The following LMNTD1 variants were observed in gnomAD, a reference collection of about 807,000 sequenced individuals.
The protein encoded by LMNTD1 is lamin tail domain containing 1.
LMNTD1 carries 35 observed loss-of-function variants against 50.9 expected under a neutral mutation model. The observed-to-expected ratio is 0.69, with a 90% CI of 0.53 to 0.91. The LOEUF is 0.91. Ranked by LOEUF, LMNTD1 falls within the 40% of genes least tolerant of loss-of-function variation. The pLI, the probability that LMNTD1 is intolerant of heterozygous loss-of-function variation, is 0.00. For missense variants in LMNTD1, 470 were observed against 475.5 expected, an observed-to-expected ratio of 0.99 and a Z score of 0.11; for synonymous variants, 153 against 161.9, an observed-to-expected ratio of 0.94 and a Z score of 0.42.
chr12:25,641,785 A>T (rs1946963449), intron 1 of LMNTD1, among the ~76,000 whole-genome samples: 1 of 152,132 alleles, frequency 6.6e-6, no homozygotes, highest in African/African-American at 2.4e-5. Context: ...CACAATTTGG[A>T]AATTAAACAA....
chr12:25,570,407 G>C (rs1215757057), intron 1 of LMNTD1, among the ~76,000 whole-genome samples: 1 of 152,186 alleles, frequency 6.6e-6, no homozygotes, highest in African/African-American at 2.4e-5. Flanking sequence ...ACTTTGAAAG[G>C]TAGAGAACAG....
At chr12:25,538,287 T>C (rs1245068254) in intron 4 of LMNTD1, among the ~76,000 whole-genome samples, 1 of 143,686 alleles carries the variant, frequency 7.0e-6, no homozygotes, top group African/African-American at 2.6e-5. Context: ...TCACCAAAGT[T>C]GAAATGAAGG....
In LMNTD1 at chr12:25,519,864, A is replaced by G; in HGVS notation, c.1010T>C (p.Leu337Pro). Residue 337 changes from leucine (L) to proline (P), a missense_variant, in exon 7 of 10, where the codon CTT becomes CCT. Leu to Pro is a moderately conservative substitution (Grantham distance 98). Coordinates refer to ENST00000458174, the MANE Select transcript of LMNTD1 (RefSeq NM_001145728.2). ...CAAACCAAACAACCCTTACCTCTTA[A>G]GAAGAACTTGAGCTTGTTCCACCTG... ...NYQVEQAQVL[L>P]KREKEIPPTV... 1.2e-6 allele frequency: 2 copies of G among 1,608,264 alleles called. No individual in the cohort carries two copies. Among genetic ancestry groups the G allele is most frequent in the Non-Finnish European group, 1.7e-6 (2 of 1,176,854 alleles).
chr12:25,550,518 G>T (rs1943685846), intron 2 of LMNTD1, among the ~76,000 whole-genome samples: 1 of 152,128 alleles, frequency 6.6e-6, no homozygotes, highest in South Asian at 2.1e-4. Context: ...CTTTCTGGGG[G>T]TCCACATATC....
chr12:25,555,731 AC>A (rs1357278008), upstream of LMNTD1, among the ~76,000 whole-genome samples: 1 of 152,178 alleles, frequency 6.6e-6, no homozygotes, highest in South Asian at 2.1e-4. Context: ...TTGGGCCATG[AC>A]TTGTAATTAT....
chr12:25,643,551 C>T (rs1384058409), intron 1 of LMNTD1, among the ~76,000 whole-genome samples: 2 of 152,206 alleles, frequency 1.3e-5, no homozygotes, highest in African/African-American at 2.4e-5. Flanking sequence ...AGCAGATTTT[C>T]CTTTCAACTC....
intron 1 of LMNTD1, among the ~76,000 whole-genome samples, chr12:25,643,857 T>TGAATGGC (rs1947002941): frequency 6.6e-6 from 1 of 152,140 alleles, no homozygotes; most frequent in Non-Finnish European, 1.5e-5. Flanking sequence ...GGGTGTCGGA[T>TGAATGGC]GAATGGCAAA....
chr12:25,638,834 T>G (rs938240526), intron 1 of LMNTD1, among the ~76,000 whole-genome samples: 28 of 152,114 alleles, frequency 1.8e-4, no homozygotes, highest in Non-Finnish European at 2.2e-4. Context: ...TTAAAATTCA[T>G]GTAGAAAAGC....
rs568821313 is a variant in LMNTD1 at position 25,586,583 on chromosome 12, G to A, written c.59-40029C>T. ...CGGGAGGTAGGTTGAAAAGTCATGC[G>A]GCACTTTCTGAGGATCTTCTCAGAA... On this transcript the variant is annotated intron_variant, in intron 1 of 7. Transcript: ENST00000445693. Among the ~76,000 whole-genome samples the A allele has an allele frequency of 3.9e-4, 60 of 152,190 alleles. No individual in the cohort carries two copies. The South Asian group carries it at 4.6e-3, about 12-fold the overall frequency.
intron 1 of LMNTD1, among the ~76,000 whole-genome samples, chr12:25,587,267 T>C (rs1384808261): frequency 2.0e-5 from 3 of 152,212 alleles, no homozygotes; most frequent in Non-Finnish European, 2.9e-5. Flanking sequence ...CGTTCTATTA[T>C]TGCTATAAAG....
At chr12:25,483,977 C>T (rs1938527723) in intron 9 of LMNTD1, among the ~76,000 whole-genome samples, 1 of 151,796 alleles carries the variant, frequency 6.6e-6, no homozygotes, top group African/African-American at 2.4e-5. Context: ...TCTATTTCTA[C>T]AAAGTTCAGC....
chr12:25,537,361 C>A (rs188917360), intron 4 of LMNTD1, among the ~76,000 whole-genome samples: 17 of 152,196 alleles, frequency 1.1e-4, no homozygotes, highest in African/African-American at 3.9e-4. Context: ...TCTCCCAGTA[C>A]GCAGCTGGAG....
intron 1 of LMNTD1, among the ~76,000 whole-genome samples, chr12:25,631,931 G>C (rs1295567474): frequency 6.6e-6 from 1 of 152,050 alleles, no homozygotes; most frequent in Non-Finnish European, 1.5e-5. Context: ...AAATATTCAA[G>C]GAAATAGAGA....
chr12:25,548,336 A>G (rs189554707), intron 3 of LMNTD1, among the ~76,000 whole-genome samples: 198 of 152,062 alleles, frequency 1.3e-3, no homozygotes, highest in African/African-American at 4.7e-3. Flanking sequence ...ATGTTAGAGG[A>G]TAATGGAGGC....
rs61299586 is a variant in LMNTD1, at chr12:25,594,651, C to CAAAAAAAAAAA, written c.59-48108_59-48098dup. On this transcript the variant is annotated intron_variant, in intron 1 of 7. Coordinates refer to the LMNTD1 transcript ENST00000445693. ...TCACAGGACCTATAAAACAGAAATA[C>CAAAAAAAAAAA]AAAAAAAAAAAAAAAAAAAAAAAAA... 8.9e-4 allele frequency among the ~76,000 whole-genome samples: 62 copies of CAAAAAAAAAAA among 69,896 alleles called. 1 individual carries two copies. The highest frequency in any genetic ancestry group is 8.7e-3 in the East Asian group (21 of 2,416). The allele number at this position is 69,896 out of a possible 152,430, so 45.9% of individuals were successfully genotyped here.
At chr12:25,607,433 C>G (rs1364956629) in intron 1 of LMNTD1, among the ~76,000 whole-genome samples, 5 of 152,184 alleles carry the variant, frequency 3.3e-5, no homozygotes, top group Admixed American at 2.0e-4. Flanking sequence ...GTTAGGGTGT[C>G]AATTTTAGAT....
chr12:25,532,219 A>C (rs1243869349), intron 4 of LMNTD1, among the ~76,000 whole-genome samples: 1 of 152,028 alleles, frequency 6.6e-6, no homozygotes, highest in Non-Finnish European at 1.5e-5. Context: ...CTGCAGAGAT[A>C]ATTTAAGGTT....
chr12:25,530,852 T>C (rs1296553124), intron 4 of LMNTD1, among the ~76,000 whole-genome samples: 1 of 152,194 alleles, frequency 6.6e-6, no homozygotes, highest in East Asian at 1.9e-4. Flanking sequence ...GTTATGAATG[T>C]TAAGACAGGG....
chr12:25,534,307 A>C (rs1486788322), intron 4 of LMNTD1, among the ~76,000 whole-genome samples: 1 of 151,562 alleles, frequency 6.6e-6, no homozygotes, highest in Non-Finnish European at 1.5e-5. Flanking sequence ...CTTCCATCTG[A>C]AACAACTAAA....
Sources: gnomAD v4.1 joint callset for allele counts (sites outside exome capture counted in the v4.1 genomes callset) on GRCh38, gnomAD v4.1.1 for gene constraint, MANE v1.5 for transcripts, NCBI Gene and HGNC (gene_info 2026-07-23, HGNC 2026-07-21) for gene names.